Variants in MGA observed in about 807,000 individuals in gnomAD.
MGA encodes the protein MAX gene-associated protein.
A neutral mutation model predicts 261.1 loss-of-function variants in MGA; 40 were observed. The observed-to-expected ratio is 0.15, with a 90% CI of 0.12 to 0.20. MGA has a LOEUF of 0.20. Ranked by LOEUF, MGA falls within the 10% of genes least tolerant of loss-of-function variation. The pLI, the probability that MGA is intolerant of heterozygous loss-of-function variation, is 1.00. For missense variants in MGA, 3,397 were observed against 3,630.5 expected (o/e 0.94, Z 1.65); for synonymous variants, 1,302 against 1,290.6 (o/e 1.01, Z -0.19).
chr15:41,711,805 C>T (rs1246970986), intron 8 of MGA, among the ~76,000 whole-genome samples: 1 of 152,072 alleles, frequency 6.6e-6, no homozygotes, highest in Admixed American at 6.5e-5. Flanking sequence ...AAGCTATTCT[C>T]CTGCCTCAGC....
At chr15:41,685,864 G>A (rs376738903) in intron 2 of MGA, among the ~76,000 whole-genome samples, 2 of 151,950 alleles carry the variant, frequency 1.3e-5, no homozygotes, top group Non-Finnish European at 2.9e-5. Flanking sequence ...AATTAGCTGG[G>A]TGTGGTTGCG....
intron 1 of MGA, among the ~76,000 whole-genome samples, chr15:41,630,286 T>C (rs2056560134): frequency 6.6e-6 from 1 of 152,166 alleles, no homozygotes; most frequent in Admixed American, 6.6e-5. Flanking sequence ...CGGATAAAAT[T>C]GACCCCTTCA....
At chr15:41,741,608 G>A (rs1232970830) in intron 14 of MGA, among the ~76,000 whole-genome samples, 2 of 152,226 alleles carry the variant, frequency 1.3e-5, no homozygotes, top group South Asian at 2.1e-4. Flanking sequence ...TCTTTTATCT[G>A]TATTAGGTGA....
At chr15:41,764,041 C>A (rs1156674024) in intron 22 of MGA, among the ~76,000 whole-genome samples, 3 of 151,734 alleles carry the variant, frequency 2.0e-5, no homozygotes, top group Non-Finnish European at 4.4e-5. Context: ...CACCTGTAGT[C>A]CCAGCTACTT....
intron 9 of MGA, among the ~76,000 whole-genome samples, chr15:41,725,902 C>T (rs567364273): frequency 6.6e-6 from 1 of 151,598 alleles, no homozygotes; most frequent in African/African-American, 2.4e-5. Context: ...GCCTCTTAAC[C>T]TAGATCTTCT....
intron 5 of MGA, among the ~76,000 whole-genome samples, chr15:41,706,982 A>G (rs2060152775): frequency 6.6e-6 from 1 of 152,164 alleles, no homozygotes; most frequent in South Asian, 2.1e-4. Context: ...GGAAGTCATA[A>G]TATTTTTAGG....
At chr15:41,729,870 CT>C (rs768900334) in intron 11 of MGA, among the ~76,000 whole-genome samples, 1 of 151,768 alleles carries the variant, frequency 6.6e-6, no homozygotes, top group Non-Finnish European at 1.5e-5. Flanking sequence ...TTTTTCTTTT[CT>C]TTTTTGTTAT....
rs562080106 is a variant in MGA, at chr15:41,742,345, C to T, written c.4586-201C>T. ...CAGAGGTTGCAGTGAGCCGAGATCGCGCCATTGCACTCTAGCCTGGGCAAC... is the reference window on the plus strand; with the variant it reads ...CAGAGGTTGCAGTGAGCCGAGATCGTGCCATTGCACTCTAGCCTGGGCAAC... On this transcript the variant is annotated intron_variant, in intron 14 of 23. Transcript: ENST00000219905. Among the ~76,000 whole-genome samples, 11 of 151,882 alleles carry T rather than the reference C, an allele frequency of 7.2e-5. No individual in the cohort carries two copies. The South Asian group carries it at 1.9e-3, about 26-fold the overall frequency.
At chr15:41,755,497 G>A (rs963171486) in intron 18 of MGA, among the ~76,000 whole-genome samples, 2 of 152,128 alleles carry the variant, frequency 1.3e-5, no homozygotes, top group Non-Finnish European at 2.9e-5. Flanking sequence ...GTAAACAATG[G>A]CAACAAACAA....
At position 41,708,144 on chromosome 15, in the gene MGA, T is replaced by C; in HGVS notation, c.2361T>C (p.Asn787=). ...TTGTTTCTAGGACAGGGAAAACCAATGATTTCACTAAGATCAAGGGATGGA... is the reference window on the plus strand; with the variant it reads ...TTGTTTCTAGGACAGGGAAAACCAACGATTTCACTAAGATCAAGGGATGGA... Residue 787 remains asparagine, a synonymous_variant, in exon 7 of 24, where the codon AAT becomes AAC. Transcript: ENST00000219905. 1.9e-6 allele frequency: 3 copies of C among 1,601,266 alleles called. No homozygotes were observed. The highest frequency in any genetic ancestry group is 2.6e-6 in the Non-Finnish European group (3 of 1,173,528).
chr15:41,696,878 G>C lies in MGA; in HGVS notation c.1868G>C (p.Cys623Ser). ...GGAAGGCCACGAAAATTGAAACTCT[G>C]TAAGGCAGGACGACCACCTAAGAAC... is the stretch of plus-strand genomic sequence containing the variant. The change falls in exon 3 of 24, where the codon TGT becomes TCT. Residue 623 changes from cysteine (C) to serine (S), a missense_variant. By Grantham distance (112) the Cys-to-Ser change is moderately radical. Transcript: ENST00000219905. 6.3e-7 allele frequency: 1 copy of C among 1,597,606 alleles called. No homozygotes were observed. The highest frequency in any genetic ancestry group is 1.1e-5 in the South Asian group (1 of 88,260).
At chr15:41,664,413 A>G (rs1157491679) in intron 1 of MGA, among the ~76,000 whole-genome samples, 6 of 152,246 alleles carry the variant, frequency 3.9e-5, no homozygotes, top group Admixed American at 3.9e-4. Context: ...AGTAATTTTT[A>G]AAGAATTGGT....
At chr15:41,702,944 TTC>T (rs1003408379) in intron 5 of MGA, among the ~76,000 whole-genome samples, 1 of 152,314 alleles carries the variant, frequency 6.6e-6, no homozygotes, top group African/African-American at 2.4e-5. Flanking sequence ...CCTATTTTTT[TTC>T]CCCCCATTCC....
rs2059689643 is a variant in MGA, at chr15:41,698,942, G to A, written c.2092+1G>A. The A allele has an allele frequency of 6.5e-7, 1 of 1,548,908 alleles. No homozygotes were observed. Among genetic ancestry groups the A allele is most frequent in the South Asian group, 1.2e-5 (1 of 83,846 alleles). The stretch of plus-strand genomic sequence containing the variant: ...CAGGCATCAACCACAAATGACTCAG[G>A]TATTATAAAATAGTATAAAAAGAGT... On this transcript the variant is annotated splice_donor_variant, in intron 4 of 23. Coordinates refer to ENST00000219905, the MANE Select transcript of MGA (RefSeq NM_001164273.2). LOFTEE classifies it high-confidence loss of function.
intron 5 of MGA, among the ~76,000 whole-genome samples, chr15:41,700,494 T>A (rs1161668485): frequency 6.6e-6 from 1 of 152,170 alleles, no homozygotes; most frequent in African/African-American, 2.4e-5. Flanking sequence ...AAACATGCAG[T>A]GTTTGGTTTT....
chr15:41,647,210 A>G (rs1248736545), intron 1 of MGA, among the ~76,000 whole-genome samples: 3 of 152,196 alleles, frequency 2.0e-5, no homozygotes, highest in African/African-American at 4.8e-5. Flanking sequence ...TGTGCTTACA[A>G]TTTTAGGAGT....
At chr15:41,745,591 A>C (rs774122756) in intron 15 of MGA, among the ~76,000 whole-genome samples, 1 of 141,770 alleles carries the variant, frequency 7.1e-6, no homozygotes, top group East Asian at 1.9e-4. Context: ...ATTTTTATTT[A>C]AAAAAAATAT....
At chr15:41,763,058 A>G (rs912164513) in intron 22 of MGA, among the ~76,000 whole-genome samples, 15 of 145,082 alleles carry the variant, frequency 1.0e-4, no homozygotes, top group African/African-American at 3.8e-4. Flanking sequence ...GTAAAATTTA[A>G]TTTTGTCAAA....
intron 15 of MGA, among the ~76,000 whole-genome samples, chr15:41,746,618 G>A (rs2062500191): frequency 6.7e-6 from 1 of 150,250 alleles, no homozygotes; most frequent in Non-Finnish European, 1.5e-5. Flanking sequence ...TTCATGAACA[G>A]TTTGGTTTTG....
Sources: allele counts gnomAD v4.1 joint callset (sites outside exome capture counted in the v4.1 genomes callset), GRCh38; gene constraint gnomAD v4.1.1; transcripts MANE v1.5; gene names NCBI Gene and HGNC (gene_info 2026-07-23, HGNC 2026-07-21).